The following CCDC170 variants were observed in gnomAD, a reference collection of about 807,000 sequenced individuals.
CCDC170 encodes the protein coiled-coil domain-containing protein 170.
Under a neutral mutation model 72.6 loss-of-function variants are expected in CCDC170, and 69 were observed. The observed-to-expected ratio is 0.95, with a 90% CI of 0.78 to 1.16. The LOEUF is 1.16. Ranked by LOEUF, CCDC170 falls within the 50% of genes most tolerant of loss-of-function variation. CCDC170 has a pLI of 0.00. For missense variants in CCDC170, 852 were observed against 832.5 expected (o/e 1.02, Z -0.29); for synonymous variants, 300 against 303.9 (o/e 0.99, Z 0.13).
intron 5 of CCDC170, among the ~76,000 whole-genome samples, chr6:151,557,352 T>G (rs939107178): frequency 6.7e-6 from 1 of 149,732 alleles, no homozygotes; most frequent in Non-Finnish European, 1.5e-5. Flanking sequence ...GAGGTTGCAG[T>G]GAGCCGAGAT....
At chr6:151,521,098 G>A (rs1782308246) in intron 1 of CCDC170, among the ~76,000 whole-genome samples, 1 of 152,220 alleles carries the variant, frequency 6.6e-6, no homozygotes, top group Non-Finnish European at 1.5e-5. Context: ...GGATTACTAT[G>A]AAGGTGTGCA....
At chr6:151,577,293 C>G (rs1776316523) in intron 6 of CCDC170, among the ~76,000 whole-genome samples, 1 of 152,124 alleles carries the variant, frequency 6.6e-6, no homozygotes, top group African/African-American at 2.4e-5. Flanking sequence ...TAGAGACTGC[C>G]TAATGTCCGC....
At chr6:151,604,297 C>T (rs532876415) in intron 9 of CCDC170, among the ~76,000 whole-genome samples, 58 of 152,186 alleles carry the variant, frequency 3.8e-4, no homozygotes, top group African/African-American at 1.2e-3. Context: ...TACTCAGCTC[C>T]GATGATGTAG....
intron 1 of CCDC170, among the ~76,000 whole-genome samples, chr6:151,512,541 T>A (rs548377346): frequency 1.3e-5 from 2 of 152,266 alleles, no homozygotes; most frequent in East Asian, 3.9e-4. Flanking sequence ...ACAAAAACAT[T>A]TACAAACCCC....
Position 151,619,258 on chromosome 6 carries a change from C to A in CCDC170, c.*1111C>A, listed in dbSNP as rs1583055767. ...TGGAAAGCTTTATTTGGAGCCCAAC[C>A]CTATAAGATGAAGAAATCCTATATA... On this transcript the variant is annotated 3_prime_UTR_variant, in exon 11 of 11. Transcript: ENST00000239374. 6.6e-6 allele frequency: 1 copy of A among 151,988 alleles called. No individual in the cohort carries two copies. The highest frequency in any genetic ancestry group is 1.5e-5 in the Non-Finnish European group (1 of 68,018). The allele number at this position is 151,988 out of a possible 1,614,324, so 9.4% of individuals were successfully genotyped here. A position where few individuals can be genotyped will look rare whatever the true frequency, so the allele number is the denominator to read the frequency against.
chr6:151,566,017 A>C (rs1314491102), intron 5 of CCDC170, among the ~76,000 whole-genome samples: 1 of 152,214 alleles, frequency 6.6e-6, no homozygotes, highest in East Asian at 1.9e-4. Flanking sequence ...GAGTGTCTGC[A>C]GGGCTGTAGT....
At position 151,538,423 on chromosome 6, in the gene CCDC170, A is replaced by T. The variant is rs925382817; in HGVS notation, c.443+122A>T. 17 of 1,006,770 alleles carry T rather than the reference A, an allele frequency of 1.7e-5. No homozygotes were observed. In the African/African-American group the frequency reaches 2.4e-4, roughly 14 times the overall value. 62.4% of individuals were successfully genotyped at this position (1,006,770 alleles called of 1,614,324 possible). A position where few individuals can be genotyped will look rare whatever the true frequency, so the allele number is the denominator to read the frequency against. On this transcript the variant is annotated intron_variant, in intron 3 of 10. Coordinates refer to ENST00000239374, the MANE Select transcript of CCDC170 (RefSeq NM_025059.4). Reference sequence around the variant, plus strand: ...ACTTGGCCCTTAAACTCAATTTGAAAAAAAGTTATTGACCTCAAATATCTT... The same window carrying T: ...ACTTGGCCCTTAAACTCAATTTGAATAAAAGTTATTGACCTCAAATATCTT...
intron 7 of CCDC170, among the ~76,000 whole-genome samples, chr6:151,592,623 C>G (rs1316440724): frequency 6.6e-6 from 1 of 152,036 alleles, no homozygotes; most frequent in African/African-American, 2.4e-5. Flanking sequence ...GGAAACTGCC[C>G]CCATGATTCA....
intron 4 of CCDC170, among the ~76,000 whole-genome samples, chr6:151,546,187 C>T (rs138638440): frequency 5.7e-4 from 87 of 152,244 alleles, no homozygotes; most frequent in African/African-American, 1.9e-3. Context: ...GGAAGTATTC[C>T]ACTTCACGGA....
chr6:151,530,854 T>C (rs1162952969), intron 1 of CCDC170, among the ~76,000 whole-genome samples: 1 of 152,176 alleles, frequency 6.6e-6, no homozygotes, highest in East Asian at 1.9e-4. Context: ...TTATTAGCCA[T>C]TTATGGCCCT....
At position 151,620,334 on chromosome 6, in the gene CCDC170, G is replaced by C. The variant is rs970283830; in HGVS notation, c.*2187G>C. The C allele has an allele frequency of 6.6e-6, 1 of 152,216 alleles. No individual in the cohort carries two copies. Among genetic ancestry groups the C allele is most frequent in the Non-Finnish European group, 1.5e-5 (1 of 68,060 alleles). 9.4% of individuals were successfully genotyped at this position (152,216 alleles called of 1,614,324 possible). ...CTTTGCTTGTGGAGCGGGCATCCCT[G>C]CCTAGCTATCTCCTTCATGTGCAAG... On this transcript the variant is annotated 3_prime_UTR_variant, in exon 11 of 11. Transcript: ENST00000239374.
chr6:151,564,765 C>T (rs1250511036), intron 5 of CCDC170, among the ~76,000 whole-genome samples: 1 of 152,094 alleles, frequency 6.6e-6, no homozygotes, highest in Admixed American at 6.5e-5. Flanking sequence ...CCCAAGTCCC[C>T]AGATGGTGTT....
intron 1 of CCDC170, among the ~76,000 whole-genome samples, chr6:151,523,631 A>G (rs1782357446): frequency 6.6e-6 from 1 of 151,606 alleles, no homozygotes; most frequent in Non-Finnish European, 1.5e-5. Flanking sequence ...GGTTGCAGTG[A>G]GCTGAGATTG....
chr6:151,536,320 A>G lies in CCDC170; in HGVS notation c.60A>G (p.Glu20=), dbSNP rs1562274613. 2 of 1,613,212 alleles carry G rather than the reference A, an allele frequency of 1.2e-6. No individual in the cohort carries two copies. The highest frequency in any genetic ancestry group is 1.7e-6 in the Non-Finnish European group (2 of 1,179,180). Residue 20 remains glutamate, a splice_region_variant and synonymous_variant, in exon 2 of 11, where the codon GAA becomes GAG. Coordinates refer to ENST00000239374, the MANE Select transcript of CCDC170 (RefSeq NM_025059.4). ...GTATTTTGGGGGAATTCTACCAGGA[A>G]ACTTACGATCATCTTTCGGAAGTCC... The part of the protein sequence containing the change: ...ALGAASPAPE[E]TYDHLSEVPV...
rs773183796 is a variant in CCDC170, at chr6:151,573,490, G to C, written c.1091G>C (p.Arg364Pro). ...EMDSREESRD[R>P]MVSQLEAQIS... Reference sequence around the variant, plus strand: ...GACAGCCGGGAAGAAAGCAGGGACCGGGTGAGTGGGTCATGGCTGTTTACA... The same window carrying C: ...GACAGCCGGGAAGAAAGCAGGGACCCGGTGAGTGGGTCATGGCTGTTTACA... The change falls in exon 6 of 11, where the codon CGG becomes CCG. Residue 364 changes from arginine (R) to proline (P), a missense_variant and splice_region_variant. Arg to Pro is a moderately radical substitution (Grantham distance 103). Coordinates refer to ENST00000239374, the MANE Select transcript of CCDC170 (RefSeq NM_025059.4). 2 of 1,612,518 alleles carry C rather than the reference G, an allele frequency of 1.2e-6. No homozygotes were observed. Among genetic ancestry groups the C allele is most frequent in the Non-Finnish European group, 1.7e-6 (2 of 1,179,052 alleles).
intron 1 of CCDC170, among the ~76,000 whole-genome samples, chr6:151,514,397 A>AAGGG (rs1562267974): frequency 1.8e-5 from 2 of 113,654 alleles, no homozygotes; most frequent in Non-Finnish European, 3.5e-5. Context: ...GGAAGGAAGG[A>AAGGG]AGGGAGGGAA....
At chr6:151,495,333 A>G (rs1781892953) in intron 1 of CCDC170, among the ~76,000 whole-genome samples, 1 of 151,976 alleles carries the variant, frequency 6.6e-6, no homozygotes. Context: ...TGACTTTATT[A>G]ATTTTTATCC....
rs370430081 is a variant in CCDC170, at chr6:151,596,524, C to T, written c.1657C>T (p.Arg553Ter). The T allele has an allele frequency of 5.5e-5, 88 of 1,613,930 alleles. No individual in the cohort carries two copies. The highest frequency in any genetic ancestry group is 7.1e-5 in the Non-Finnish European group (84 of 1,180,024). Residue 553 changes from arginine (R) to a stop codon, truncating the protein, a stop_gained, in exon 9 of 11, where the codon CGA (arginine) becomes TGA (stop). Transcript: ENST00000239374. LOFTEE classifies it high-confidence loss of function. The stretch of plus-strand genomic sequence containing the variant: ...GCTGCAGAAAGAGCTGAACACGTGT[C>T]GAGACTTGCACACCGAGCTCAAAGC... ...ERLQKELNTC[R>*]DLHTELKAKL... is the part of the protein sequence containing the mutation.
At position 151,585,985 on chromosome 6, in the gene CCDC170, G is replaced by A; in HGVS notation, c.1189G>A (p.Ala397Thr). ...HQKALQRAQK[A>T]ENMLETLQGQ... is the part of the protein sequence containing the mutation. ...GAAAGCTCTCCAGAGGGCCCAGAAA[G>A]CAGAGAATATGTTGGAGACTCTTCA... The change falls in exon 7 of 11, where the codon GCA becomes ACA. Residue 397 changes from alanine (A) to threonine (T), a missense_variant. Physicochemically the swap from Ala to Thr is moderately conservative, Grantham distance 58. Coordinates refer to ENST00000239374, the MANE Select transcript of CCDC170 (RefSeq NM_025059.4). 6.2e-7 allele frequency: 1 copy of A among 1,614,166 alleles called. No homozygotes were observed. Among genetic ancestry groups the A allele is most frequent in the South Asian group, 1.1e-5 (1 of 91,080 alleles).
Sources: allele counts gnomAD v4.1 joint callset (sites outside exome capture counted in the v4.1 genomes callset), GRCh38; gene constraint gnomAD v4.1.1; transcripts MANE v1.5; gene names NCBI Gene and HGNC (gene_info 2026-07-23, HGNC 2026-07-21).